BMP6: variants seen among roughly 807,000 people sequenced by gnomAD.
The protein encoded by BMP6 is VG-1-R.
Under a neutral mutation model 54.1 loss-of-function variants are expected in BMP6, and 17 were observed. The observed-to-expected ratio is 0.31, with a 90% confidence interval of 0.22 to 0.47. The LOEUF (loss-of-function observed/expected upper bound fraction) is 0.47. Ranked by LOEUF, BMP6 falls within the 20% of genes least tolerant of loss-of-function variation. The pLI is 1.00. For missense variants in BMP6, 720 were observed against 690.4 expected (o/e 1.04, Z -0.48); for synonymous variants, 328 against 291.2 (o/e 1.13, Z -1.28).
chr6:7,747,493 G>A (rs1255353633), intron 1 of BMP6, among the ~76,000 whole-genome samples: 2 of 152,202 alleles, frequency 1.3e-5, no homozygotes, highest in Non-Finnish European at 2.9e-5. Context: ...TGAGCTGACA[G>A]CCAGCAAAGA....
chr6:7,879,278 T>C, intron 5 of BMP6, 128 bp downstream of exon 5: 1 of 969,654 alleles, frequency 1.0e-6, no homozygotes, highest in Non-Finnish European at 1.6e-6. Flanking sequence ...GTGGAAGTCC[T>C]GAGGAGCCCT....
At chr6:7,760,186 CA>C (rs1026430378) in intron 1 of BMP6, among the ~76,000 whole-genome samples, 2 of 151,170 alleles carry the variant, frequency 1.3e-5, no homozygotes, top group African/African-American at 4.9e-5. Flanking sequence ...CCCAGTCTCC[CA>C]AATTGCTGGG....
At chr6:7,777,302 C>T (rs915421508) in intron 1 of BMP6, among the ~76,000 whole-genome samples, 1 of 152,198 alleles carries the variant, frequency 6.6e-6, no homozygotes, top group Admixed American at 6.5e-5. Context: ...CCTTAACAGA[C>T]GTGCACATTC....
intron 1 of BMP6, among the ~76,000 whole-genome samples, chr6:7,740,771 G>A (rs796543143): frequency 6.6e-6 from 1 of 152,128 alleles, no homozygotes; most frequent in Non-Finnish European, 1.5e-5. Flanking sequence ...CAGTTGCCAG[G>A]CTTAGTGATC....
intron 1 of BMP6, among the ~76,000 whole-genome samples, chr6:7,824,420 G>C (rs572259049): frequency 1.3e-5 from 2 of 152,250 alleles, no homozygotes; most frequent in African/African-American, 4.8e-5. Context: ...ACCCACCTTT[G>C]ACCACAGACC....
chr6:7,758,221 C>T lies in BMP6; in HGVS notation c.664+30602C>T, dbSNP rs539396884. ...CTTTCTGGAAAGATGACAGTCCATA[C>T]GGGCCCCAGCATCTTTGTGAATTCG... On this transcript the variant is annotated intron_variant, in intron 1 of 6. Coordinates refer to ENST00000283147, the MANE Select transcript of BMP6 (RefSeq NM_001718.6). Among the ~76,000 whole-genome samples the T allele has an allele frequency of 2.4e-3, 366 of 152,340 alleles. 3 individuals are homozygous for T. The highest frequency in any genetic ancestry group is 8.3e-3 in the African/African-American group (344 of 41,580).
At chr6:7,728,131 TGGCATGAGTATGTTTAGAGGTATCCAC>T in intron 1 of BMP6, among the ~76,000 whole-genome samples, 2 of 150,634 alleles carry the variant, frequency 1.3e-5, no homozygotes, top group Admixed American at 1.3e-4. Context: ...TTTGAAAACT[TGGCATGAGTATGTTTAGAGGTATCCAC>T]GGCACTAGGG....
chr6:7,852,548 T>C (rs1176637929), intron 2 of BMP6, among the ~76,000 whole-genome samples: 1 of 152,254 alleles, frequency 6.6e-6, no homozygotes, highest in Non-Finnish European at 1.5e-5. Flanking sequence ...CTGCGCTCTA[T>C]GCTGGGCAAC....
intron 1 of BMP6, among the ~76,000 whole-genome samples, chr6:7,748,981 A>G (rs1296214875): frequency 1.3e-5 from 2 of 152,222 alleles, no homozygotes; most frequent in African/African-American, 4.8e-5. Flanking sequence ...GTGTCTTGGT[A>G]AAAGAGGAAA....
At position 7,832,249 on chromosome 6, in the gene BMP6, G is replaced by A. The variant is rs115341470; in HGVS notation, c.665-12891G>A. ...AATTACTGCAATAGACCGAATGTTTGTTTCCACGCCCCTGCAAATTCATAT... is the reference window on the plus strand; with the variant it reads ...AATTACTGCAATAGACCGAATGTTTATTTCCACGCCCCTGCAAATTCATAT... On this transcript the variant is annotated intron_variant, in intron 1 of 6. Transcript: ENST00000283147. Among the ~76,000 whole-genome samples, 1,253 of 152,286 alleles carry A rather than the reference G, an allele frequency of 8.2e-3. 23 individuals are homozygous for A. The highest frequency in any genetic ancestry group is 0.029 in the African/African-American group (1,212 of 41,538).
intron 1 of BMP6, among the ~76,000 whole-genome samples, chr6:7,770,504 G>A (rs1031619814): frequency 1.3e-5 from 2 of 152,180 alleles, no homozygotes; most frequent in Non-Finnish European, 2.9e-5. Context: ...CCTGGACATA[G>A]GTTGGGACTG....
In BMP6 at chr6:7,726,104, G is replaced by A. The variant is rs909923096; in HGVS notation, c.-852G>A. ...ACCTGAGCCGGGCGCGCAGCAGAAA[G>A]CCCACGTTGGCCGCTGCGGGGAGCG... On this transcript the variant is annotated 5_prime_UTR_variant, in exon 1 of 7. Coordinates refer to ENST00000283147, the MANE Select transcript of BMP6 (RefSeq NM_001718.6). 1.3e-5 allele frequency among the ~76,000 whole-genome samples: 2 copies of A among 152,246 alleles called. No individual in the cohort carries two copies. Among genetic ancestry groups the A allele is most frequent in the African/African-American group, 2.4e-5 (1 of 41,466 alleles).
At chr6:7,781,042 C>T (rs1231548277) in intron 1 of BMP6, among the ~76,000 whole-genome samples, 1 of 152,192 alleles carries the variant, frequency 6.6e-6, no homozygotes, top group Non-Finnish European at 1.5e-5. Flanking sequence ...TACCTCTTAA[C>T]GACTTCCTAG....
In BMP6 at chr6:7,786,626, G is replaced by A. The variant is rs78320731; in HGVS notation, c.665-58514G>A. On this transcript the variant is annotated intron_variant, in intron 1 of 6. Coordinates refer to ENST00000283147, the MANE Select transcript of BMP6 (RefSeq NM_001718.6). Reference sequence around the variant, plus strand: ...ATCGACTTAGCTGTTCTGTGAGTTAGAAGTACTATTGTGTATGTGGATCAG... The same window carrying A: ...ATCGACTTAGCTGTTCTGTGAGTTAAAAGTACTATTGTGTATGTGGATCAG... Among the ~76,000 whole-genome samples, 1,063 of 152,230 alleles carry A rather than the reference G, an allele frequency of 7.0e-3. 21 individuals are homozygous for A. Among genetic ancestry groups the A allele is most frequent in the African/African-American group, 0.025 (1,025 of 41,522 alleles).
Position 7,862,454 on chromosome 6 carries a change from G to A in BMP6, c.1160G>A (p.Arg387His), listed in dbSNP as rs763149573. 6.2e-7 allele frequency: 1 copy of A among 1,614,146 alleles called. No individual in the cohort carries two copies. The highest frequency in any genetic ancestry group is 1.1e-5 in the South Asian group (1 of 91,082). ...SSRRRQQSRNRSTQSQDVARV... is the reference protein window; with the variant it reads ...SSRRRQQSRNHSTQSQDVARV... The stretch of plus-strand genomic sequence containing the variant: ...CGGCGCCGACAACAGAGTCGTAATC[G>A]CTCTACCCAGTCCCAGGACGTGGCG... The change falls in exon 4 of 7, where the codon CGC becomes CAC. Residue 387 changes from arginine to histidine, a missense_variant. Physicochemically the swap from Arg to His is conservative, Grantham distance 29. Transcript: ENST00000283147.
At chr6:7,802,404 T>TG (rs1724381907) in intron 1 of BMP6, among the ~76,000 whole-genome samples, 2 of 152,208 alleles carry the variant, frequency 1.3e-5, no homozygotes, top group South Asian at 4.1e-4. Flanking sequence ...TTCAGTCATA[T>TG]GATGGAGCAG....
chr6:7,785,429 A>C (rs1232574255), intron 1 of BMP6, among the ~76,000 whole-genome samples: 2 of 152,212 alleles, frequency 1.3e-5, no homozygotes, highest in African/African-American at 4.8e-5. Flanking sequence ...GAATTGTCAG[A>C]CACAGTAAGA....
At chr6:7,767,547 C>G (rs1268220910) in intron 1 of BMP6, among the ~76,000 whole-genome samples, 2 of 152,224 alleles carry the variant, frequency 1.3e-5, no homozygotes, top group Admixed American at 6.5e-5. Context: ...TCTCAGGAAA[C>G]CTAGTTCTCA....
At chr6:7,807,500 C>T (rs1019587921) in intron 1 of BMP6, among the ~76,000 whole-genome samples, 6 of 152,052 alleles carry the variant, frequency 3.9e-5, no homozygotes, top group South Asian at 4.2e-4. Flanking sequence ...AGACTGGTCT[C>T]GAACTCCTGA....
Sources: allele counts gnomAD v4.1 joint callset (sites outside exome capture counted in the v4.1 genomes callset), GRCh38; gene constraint gnomAD v4.1.1; transcripts MANE v1.5; gene names NCBI Gene and HGNC (gene_info 2026-07-23, HGNC 2026-07-21).